KLHL28: variants seen among roughly 807,000 people sequenced by gnomAD.
KLHL28 encodes the protein kelch like family member 28.
Under a neutral mutation model 48.3 loss-of-function variants are expected in KLHL28, and 22 were observed. The observed-to-expected ratio is 0.46, with a 90% CI of 0.33 to 0.65. KLHL28 has a LOEUF of 0.65. Among genes scored for constraint, KLHL28 ranks in the 30% least tolerant of loss-of-function variants. KLHL28 has a pLI of 0.03. For synonymous variants in KLHL28, 243 were observed against 242.4 expected (o/e 1.00, Z -0.02); for missense variants, 527 against 704.3 (o/e 0.75, Z 2.85).
rs974544087 is a variant in KLHL28 at position 44,937,665 on chromosome 14, T to C, written c.900-3107A>G. Among the ~76,000 whole-genome samples the C allele has an allele frequency of 3.9e-5, 6 of 152,196 alleles. 1 individual carries two copies. Among genetic ancestry groups the C allele is most frequent in the South Asian group, 4.1e-4 (2 of 4,830 alleles). On this transcript the variant is annotated intron_variant, in intron 2 of 4. Transcript: ENST00000396128. ...TGTCTTAGTTCATTTTCTGCCGATA[T>C]AACAGAATACTACAGACTGGGTAAT... is the stretch of plus-strand genomic sequence containing the variant.
At chr14:44,944,795 A>C (rs1245136699) in intron 2 of KLHL28, among the ~76,000 whole-genome samples, 5 of 152,220 alleles carry the variant, frequency 3.3e-5, no homozygotes, top group Non-Finnish European at 5.9e-5. Flanking sequence ...GTGAGTAACC[A>C]GGTGGATAAA....
chr14:44,945,564 T>G lies in KLHL28; in HGVS notation c.365A>C (p.Lys122Thr). Residue 122 changes from lysine (K) to threonine (T), a missense_variant, in exon 2 of 5, where the codon AAA (lysine) becomes ACA (threonine). Transcript: ENST00000396128. ...GCTTTCAAGAAATGCACAACATTCT[T>G]TCAGGACAAGTTTTATCTGGAGTAG... Reference protein sequence around the residue: ...ANLLQIKLVLKECCAFLESQL... With the variant: ...ANLLQIKLVLTECCAFLESQL... The G allele has an allele frequency of 6.2e-7, 1 of 1,614,196 alleles. No individual in the cohort carries two copies. Among genetic ancestry groups the G allele is most frequent in the Non-Finnish European group, 8.5e-7 (1 of 1,180,036 alleles).
chr14:44,927,799 T>G lies in KLHL28; in HGVS notation c.*1229A>C, dbSNP rs1185959577. On this transcript the variant is annotated 3_prime_UTR_variant, in exon 5 of 5. Transcript: ENST00000396128. ...TACAAAGTAATGCATAACTGCCTAGTGCTTTATATTTAATGCATATATTTC... is the reference window on the plus strand; with the variant it reads ...TACAAAGTAATGCATAACTGCCTAGGGCTTTATATTTAATGCATATATTTC... 3 of 152,634 alleles carry G rather than the reference T, an allele frequency of 2.0e-5. No homozygotes were observed. Among genetic ancestry groups the G allele is most frequent in the African/African-American group, 7.2e-5 (3 of 41,468 alleles). The allele number at this position is 152,634 out of a possible 1,614,324, so 9.5% of individuals were successfully genotyped here.
chr14:44,938,280 G>C (rs1883909277), intron 2 of KLHL28, among the ~76,000 whole-genome samples: 2 of 152,118 alleles, frequency 1.3e-5, no homozygotes, highest in South Asian at 4.2e-4. Context: ...GAGAAAGGCA[G>C]AGAATAGATA....
At chr14:44,943,831 C>T (rs1884208677) in intron 2 of KLHL28, among the ~76,000 whole-genome samples, 1 of 151,610 alleles carries the variant, frequency 6.6e-6, no homozygotes, top group Non-Finnish European at 1.5e-5. Flanking sequence ...CCTCTTGCCT[C>T]AGCCTCCTGA....
At position 44,931,488 on chromosome 14, in the gene KLHL28, G is replaced by T. The variant is rs1322389313; in HGVS notation, c.1397C>A (p.Ala466Glu). Residue 466 changes from alanine (A) to glutamate (E), a missense_variant, in exon 4 of 5, where the codon GCA becomes GAA. Coordinates refer to ENST00000396128, the MANE Select transcript of KLHL28 (RefSeq NM_017658.5). Reference sequence around the variant, plus strand: ...CACGCCAAAGTGAATCCTTTTATCTGCCATGGATGCAACCATCTCCCAGGA... The same window carrying T: ...CACGCCAAAGTGAATCCTTTTATCTTCCATGGATGCAACCATCTCCCAGGA... ...KDSWEMVASM[A>E]DKRIHFGVGV... 4 of 1,613,866 alleles carry T rather than the reference G, an allele frequency of 2.5e-6. No individual in the cohort carries two copies. In the East Asian group the frequency reaches 8.9e-5, roughly 36 times the overall value.
At position 44,927,540 on chromosome 14, in the gene KLHL28, T is replaced by C. The variant is rs573927719; in HGVS notation, c.*1488A>G. ...TTCCAAAATACAAGTACCGACATAATAATAAAATGCAAGTGAATGTGTTTA... is the reference window on the plus strand; with the variant it reads ...TTCCAAAATACAAGTACCGACATAACAATAAAATGCAAGTGAATGTGTTTA... On this transcript the variant is annotated 3_prime_UTR_variant, in exon 5 of 5. Coordinates refer to ENST00000396128, the MANE Select transcript of KLHL28 (RefSeq NM_017658.5). 7.9e-5 allele frequency: 12 copies of C among 152,456 alleles called. No homozygotes were observed. The highest frequency in any genetic ancestry group is 2.9e-4 in the African/African-American group (12 of 41,566). The allele number at this position is 152,456 out of a possible 1,614,324, so 9.4% of individuals were successfully genotyped here.
At chr14:44,939,104 T>C (rs539194451) in intron 2 of KLHL28, among the ~76,000 whole-genome samples, 17 of 152,330 alleles carry the variant, frequency 1.1e-4, no homozygotes, top group Admixed American at 7.8e-4. Context: ...TACTTGTGCC[T>C]TCTAGAGTAG....
rs1250747164 is a variant in KLHL28 at position 44,958,111 on chromosome 14, T to C, written c.-1+3735A>G. ...TTTTTAATGATAAAACAAACAATAG[T>C]ATTCTGAATCTTGGTAACTGCATTA... On this transcript the variant is annotated intron_variant, in intron 1 of 4. Coordinates refer to ENST00000396128, the MANE Select transcript of KLHL28 (RefSeq NM_017658.5). 4.0e-5 allele frequency among the ~76,000 whole-genome samples: 6 copies of C among 150,938 alleles called. No homozygotes were observed. The East Asian group carries it at 1.2e-3, about 29-fold the overall frequency.
intron 2 of KLHL28, among the ~76,000 whole-genome samples, chr14:44,940,165 C>T (rs1486538258): frequency 6.6e-6 from 1 of 152,064 alleles, no homozygotes; most frequent in Non-Finnish European, 1.5e-5. Flanking sequence ...TATCAGGAGC[C>T]CACTCCTGAG....
Position 44,934,496 on chromosome 14 carries a change from C to T in KLHL28, c.962G>A (p.Arg321His), listed in dbSNP as rs117295933. 4.3e-6 allele frequency: 7 copies of T among 1,613,154 alleles called. No individual in the cohort carries two copies. Among genetic ancestry groups the T allele is most frequent in the Admixed American group, 1.7e-5 (1 of 59,932 alleles). The change falls in exon 3 of 5, where the codon CGC (arginine) becomes CAC (histidine). Residue 321 changes from arginine to histidine, a missense_variant. Arg to His is a conservative substitution (Grantham distance 29, BLOSUM62 0). Transcript: ENST00000396128. ...WIGLAPLNIP[R>H]YEFGICVLDQ... The stretch of plus-strand genomic sequence containing the variant: ...TAAAACGCATATTCCAAATTCATAG[C>T]GAGGAATGTTTAGGGGTGCCAAACC...
At chr14:44,929,234 T>C in intron 4 of KLHL28, 43 bp from the exon 5 acceptor site, 1 of 1,493,310 alleles carries the variant, frequency 6.7e-7, no homozygotes, top group Non-Finnish European at 9.1e-7. Flanking sequence ...ATGTTAACCA[T>C]GAAGTATACT....
chr14:44,934,854 C>A (rs1005062207), intron 2 of KLHL28, among the ~76,000 whole-genome samples: 1 of 152,112 alleles, frequency 6.6e-6, no homozygotes, highest in Non-Finnish European at 1.5e-5. Context: ...TAATTACATT[C>A]CTATATATCT....
Position 44,934,419 on chromosome 14 carries a change from C to T in KLHL28, c.1039G>A (p.Val347Ile), listed in dbSNP as rs144860260. ...GAATTTTCATGTTTTCTGATAGTGA[C>T]GCCAGGACGCACATTAGTTGCAATA... is the stretch of plus-strand genomic sequence containing the variant. ...GGIATNVRPG[V>I]TIRKHENSVE... The change falls in exon 3 of 5, where the codon GTC becomes ATC. Residue 347 changes from valine (V) to isoleucine (I), a missense_variant. By Grantham distance (29) the Val-to-Ile change is conservative. Coordinates refer to ENST00000396128, the MANE Select transcript of KLHL28 (RefSeq NM_017658.5). The T allele has an allele frequency of 1.4e-5, 23 of 1,613,998 alleles. No homozygotes were observed. Among genetic ancestry groups the T allele is most frequent in the South Asian group, 3.3e-5 (3 of 91,080 alleles).
chr14:44,947,942 TTTTCCAGAACATAATATATACTAGTAAG>T, intron 1 of KLHL28, among the ~76,000 whole-genome samples: 1 of 152,164 alleles, frequency 6.6e-6, no homozygotes, highest in Non-Finnish European at 1.5e-5. Context: ...TAGGTACTTT[TTTTCCAGAACATAATATATACTAGTAAG>T]TAGATGGCAA....
chr14:44,932,324 T>A (rs548555695), intron 3 of KLHL28, among the ~76,000 whole-genome samples: 2 of 152,102 alleles, frequency 1.3e-5, no homozygotes, highest in South Asian at 4.2e-4. Flanking sequence ...AAGCAATCAC[T>A]GTAGATTGCA....
chr14:44,946,156 AG>A (rs1324887779), intron 1 of KLHL28, among the ~76,000 whole-genome samples: 1 of 152,212 alleles, frequency 6.6e-6, no homozygotes, highest in Non-Finnish European at 1.5e-5. Flanking sequence ...GAAGCCCAAA[AG>A]GTTACATGAG....
At chr14:44,932,756 C>T (rs912024643) in intron 3 of KLHL28, among the ~76,000 whole-genome samples, 4 of 152,126 alleles carry the variant, frequency 2.6e-5, no homozygotes, top group African/African-American at 9.7e-5. Context: ...AATACTTAAC[C>T]TTTTATCTTA....
At chr14:44,942,895 G>A (rs946802748) in intron 2 of KLHL28, among the ~76,000 whole-genome samples, 2 of 152,040 alleles carry the variant, frequency 1.3e-5, no homozygotes, top group Admixed American at 6.6e-5. Context: ...ACTAAATTAT[G>A]AACTTGTTGA....
Sources: gnomAD v4.1 joint callset for allele counts (sites outside exome capture counted in the v4.1 genomes callset) on GRCh38, gnomAD v4.1.1 for gene constraint, MANE v1.5 for transcripts, NCBI Gene and HGNC (gene_info 2026-07-23, HGNC 2026-07-21) for gene names.